ZDHHC13: variants seen among roughly 807,000 people sequenced by gnomAD.
The protein encoded by ZDHHC13 is palmitoyltransferase ZDHHC13.
In ZDHHC13, 85 loss-of-function variants were observed where a neutral mutation model predicts 86.0. That is an observed-to-expected ratio of 0.99 (90% CI 0.83 to 1.18). The LOEUF is 1.18. Among genes scored for constraint, ZDHHC13 ranks in the 50% most tolerant of loss-of-function variants. ZDHHC13 has a pLI of 0.00. For synonymous variants in ZDHHC13, 263 were observed against 246.4 expected, an observed-to-expected ratio of 1.07 and a Z score of -0.63; for missense variants, 711 against 730.2, an observed-to-expected ratio of 0.97 and a Z score of 0.30.
chr11:19,133,012 A>G (rs1849036424), intron 1 of ZDHHC13, among the ~76,000 whole-genome samples: 1 of 152,220 alleles, frequency 6.6e-6, no homozygotes, highest in African/African-American at 2.4e-5. Flanking sequence ...CAAGAAGAAA[A>G]AGAGAGAAAC....
Position 19,164,380 on chromosome 11 carries a change from A to C in ZDHHC13, c.1296+17A>C, listed in dbSNP as rs1279221441. 2 of 1,610,420 alleles carry C rather than the reference A, an allele frequency of 1.2e-6. No homozygotes were observed. Among genetic ancestry groups the C allele is most frequent in the African/African-American group, 1.3e-5 (1 of 74,952 alleles). On this transcript the variant is annotated intron_variant, in intron 12 of 16. Transcript: ENST00000446113. ...TCATGTCTTGTGAGTTTTTTCATAT[A>C]ATTTTTTTCCGTAGTGAAAGCAAAG...
At chr11:19,146,973 G>C (rs921800100) in intron 3 of ZDHHC13, among the ~76,000 whole-genome samples, 6 of 152,132 alleles carry the variant, frequency 3.9e-5, no homozygotes, top group African/African-American at 1.4e-4. Flanking sequence ...ATGGTATTTA[G>C]ATAATATGAT....
In ZDHHC13 at chr11:19,159,621, C is replaced by T. The variant is rs186772689; in HGVS notation, c.1108+581C>T. 2.4e-3 allele frequency among the ~76,000 whole-genome samples: 356 copies of T among 150,912 alleles called. 1 individual carries two copies. Among genetic ancestry groups the T allele is most frequent in the Non-Finnish European group, 4.1e-3 (282 of 67,998 alleles). ...CCTTTTTAAAAAATTTTAATCATGG[C>T]CCATTTAATTCTTTCATGACTCACT... is the stretch of plus-strand genomic sequence containing the variant. On this transcript the variant is annotated intron_variant, in intron 10 of 16. Transcript: ENST00000446113.
rs57638581 is a variant in ZDHHC13, at chr11:19,153,628, T to C, written c.873+944T>C. 1.0e-2 allele frequency among the ~76,000 whole-genome samples: 1,521 copies of C among 152,264 alleles called. 33 individuals are homozygous for C. Among genetic ancestry groups the C allele is most frequent in the African/African-American group, 0.035 (1,453 of 41,560 alleles). ...GGTAGGGTGCCCCAGGATTTTGTTA[T>C]TGAGCTTCCTTGCTATCTATTCATT... On this transcript the variant is annotated intron_variant, in intron 8 of 16. Coordinates refer to ENST00000446113, the MANE Select transcript of ZDHHC13 (RefSeq NM_019028.3).
intron 8 of ZDHHC13, among the ~76,000 whole-genome samples, 171 bp from the exon 9 acceptor site, chr11:19,155,625 C>G (rs146647737): frequency 4.7e-5 from 7 of 149,466 alleles, no homozygotes; most frequent in African/African-American, 1.5e-4. Context: ...GATGTACAAT[C>G]TCTCAAACCT....
In ZDHHC13 at chr11:19,135,363, A is replaced by G. The variant is rs527954314; in HGVS notation, c.28-7615A>G. Reference sequence around the variant, plus strand: ...CCCACCCGAATACTGCGCTTTTCCGACGGGCTTAAAAAACGGCGCACCAGG... The same window carrying G: ...CCCACCCGAATACTGCGCTTTTCCGGCGGGCTTAAAAAACGGCGCACCAGG... On this transcript the variant is annotated intron_variant, in intron 1 of 16. Transcript: ENST00000446113. 6.8e-3 allele frequency among the ~76,000 whole-genome samples: 1,042 copies of G among 152,306 alleles called. 9 individuals are homozygous for G. Among genetic ancestry groups the G allele is most frequent in the African/African-American group, 0.024 (983 of 41,572 alleles).
chr11:19,131,164 A>AC (rs1456145127), intron 1 of ZDHHC13, among the ~76,000 whole-genome samples: 1 of 151,148 alleles, frequency 6.6e-6, no homozygotes, highest in Non-Finnish European at 1.5e-5. Context: ...GACTGCAGGC[A>AC]CCCGCCACCA....
At chr11:19,156,609 C>T (rs935657877) in intron 9 of ZDHHC13, among the ~76,000 whole-genome samples, 3 of 152,190 alleles carry the variant, frequency 2.0e-5, no homozygotes, top group African/African-American at 7.2e-5. Flanking sequence ...CCCCCCATCT[C>T]TTCTTCTCTC....
At chr11:19,169,494 C>T in intron 14 of ZDHHC13, 2 of 985,412 alleles carry the variant, frequency 2.0e-6, no homozygotes, top group Non-Finnish European at 2.4e-6. Context: ...CTTCCTGTCC[C>T]TGGAGTTCTT....
At position 19,147,763 on chromosome 11, in the gene ZDHHC13, G is replaced by A. The variant is rs1438283281; in HGVS notation, c.374+90G>A. ...TCAGTTATAGACGATTTGAAAGGCT[G>A]TCTTTTCTTCCCCCCCCCCCTTTAT... On this transcript the variant is annotated intron_variant, in intron 4 of 16. Coordinates refer to ENST00000446113, the MANE Select transcript of ZDHHC13 (RefSeq NM_019028.3). The A allele has an allele frequency of 6.9e-6, 4 of 583,622 alleles. No individual in the cohort carries two copies. The East Asian group carries it at 1.4e-4, about 20-fold the overall frequency. 36.2% of individuals were successfully genotyped at this position (583,622 alleles called of 1,614,324 possible). A position where few individuals can be genotyped will look rare whatever the true frequency, so the allele number is the denominator to read the frequency against.
chr11:19,150,234 A>G (rs1397544669), intron 5 of ZDHHC13, among the ~76,000 whole-genome samples: 1 of 152,200 alleles, frequency 6.6e-6, no homozygotes, highest in Non-Finnish European at 1.5e-5. Flanking sequence ...TGTTCCAGAA[A>G]ATAGAAAGGA....
At chr11:19,146,033 C>T (rs1235185466) in intron 2 of ZDHHC13, 148 bp from the exon 3 acceptor site, 1 of 802,794 alleles carries the variant, frequency 1.2e-6, no homozygotes, top group Non-Finnish European at 1.9e-6. Flanking sequence ...ATACTGTGTC[C>T]TCTCTATGCA....
In ZDHHC13 at chr11:19,133,942, T is replaced by C. The variant is rs74876753; in HGVS notation, c.28-9036T>C. ...GTCCATATATATATATATATATATA[T>C]ACACGTATGTGTTTTATATACTTCA... On this transcript the variant is annotated intron_variant, in intron 1 of 16. Transcript: ENST00000446113. 1.0e-2 allele frequency among the ~76,000 whole-genome samples: 958 copies of C among 96,022 alleles called. 66 individuals carry two copies. The highest frequency in any genetic ancestry group is 0.015 in the Non-Finnish European group (667 of 43,642). The allele number at this position is 96,022 out of a possible 152,430, so 63.0% of individuals were successfully genotyped here.
intron 1 of ZDHHC13, among the ~76,000 whole-genome samples, chr11:19,132,531 C>T (rs546531134): frequency 6.6e-6 from 1 of 152,328 alleles, no homozygotes; most frequent in South Asian, 2.1e-4. Flanking sequence ...TCTGCAAAGA[C>T]TCAGTGGGCC....
At chr11:19,137,572 A>G (rs1262120009) in intron 1 of ZDHHC13, among the ~76,000 whole-genome samples, 1 of 152,020 alleles carries the variant, frequency 6.6e-6, no homozygotes, top group African/African-American at 2.4e-5. Flanking sequence ...CGGACCTAAT[A>G]GACATCTACA....
Position 19,139,690 on chromosome 11 carries a change from C to G in ZDHHC13, c.28-3288C>G, listed in dbSNP as rs373677016. ...TACTACAAGGCTACAGTAACCAAAA[C>G]AGCATGGTACTGGTACCAAAACAGA... On this transcript the variant is annotated intron_variant, in intron 1 of 16. Transcript: ENST00000446113. Among the ~76,000 whole-genome samples the G allele has an allele frequency of 5.0e-3, 755 of 150,814 alleles. 1 individual carries two copies. The highest frequency in any genetic ancestry group is 0.017 in the African/African-American group (708 of 40,764).
Position 19,146,205 on chromosome 11 carries a change from A to G in ZDHHC13, c.198A>G (p.Lys66=). The G allele has an allele frequency of 1.2e-6, 2 of 1,606,588 alleles. No individual in the cohort carries two copies. Among genetic ancestry groups the G allele is most frequent in the Non-Finnish European group, 1.7e-6 (2 of 1,176,628 alleles). Reference sequence around the variant, plus strand: ...GATACGGAATTTTTGAACGATGTAAAGAGTTGGTAGAAGCAGGATATGATG... The same window carrying G: ...GATACGGAATTTTTGAACGATGTAAGGAGTTGGTAGAAGCAGGATATGATG... ...ATQYGIFERC[K]ELVEAGYDVR... is the part of the protein sequence containing the mutation. The change falls in exon 3 of 17, where the codon AAA becomes AAG. Residue 66 remains lysine (K), a synonymous_variant. Coordinates refer to ENST00000446113, the MANE Select transcript of ZDHHC13 (RefSeq NM_019028.3).
At chr11:19,164,257 T>C in intron 11 of ZDHHC13, 44 bp from the exon 12 acceptor site, 1 of 1,598,626 alleles carries the variant, frequency 6.3e-7, no homozygotes, top group Non-Finnish European at 8.6e-7. Context: ...CATAATACAT[T>C]TTCCAATAAA....
At chr11:19,159,372 TAC>T (rs137899446) in intron 10 of ZDHHC13, among the ~76,000 whole-genome samples, 302 of 152,264 alleles carry the variant, frequency 2.0e-3, no homozygotes, top group Admixed American at 3.7e-3. Context: ...GGTCAGCAGT[TAC>T]AGTTAATTAA....
Sources: allele counts gnomAD v4.1 joint callset (sites outside exome capture counted in the v4.1 genomes callset), GRCh38; gene constraint gnomAD v4.1.1; transcripts MANE v1.5; gene names NCBI Gene and HGNC (gene_info 2026-07-23, HGNC 2026-07-21).